Variants in WWOX observed in about 807,000 individuals in gnomAD.
The protein encoded by WWOX is WW domain-containing oxidoreductase.
WWOX carries 69 observed loss-of-function variants against 46.2 expected under a neutral mutation model. The observed-to-expected ratio is 1.49, with a 90% CI of 1.23 to 1.82. The LOEUF (loss-of-function observed/expected upper bound fraction) is 1.82. WWOX is among the 40% of genes most tolerant of loss of function. The pLI, the probability that WWOX is intolerant of heterozygous loss-of-function variation, is 0.00. For missense variants in WWOX, 919 were observed against 542.6 expected (o/e 1.69, Z -6.89); for synonymous variants, 359 against 202.6 (o/e 1.77, Z -6.56).
intron 8 of WWOX, among the ~76,000 whole-genome samples, chr16:78,593,625 G>A (rs528901468): frequency 6.6e-6 from 1 of 152,246 alleles, no homozygotes; most frequent in East Asian, 1.9e-4. Context: ...GTTGACAGGG[G>A]GAGGTATTTG....
chr16:78,205,823 T>TCGTA (rs1209166935), intron 5 of WWOX, among the ~76,000 whole-genome samples: 3 of 151,638 alleles, frequency 2.0e-5, no homozygotes, highest in Non-Finnish European at 4.4e-5. Flanking sequence ...ACACCTTCCT[T>TCGTA]CCTACCTTCC....
At chr16:78,925,192 C>A (rs1274830363) in intron 8 of WWOX, among the ~76,000 whole-genome samples, 1 of 152,146 alleles carries the variant, frequency 6.6e-6, no homozygotes, top group Non-Finnish European at 1.5e-5. Flanking sequence ...AAAACCCTGA[C>A]TTAAAACAAA....
intron 8 of WWOX, among the ~76,000 whole-genome samples, chr16:79,073,471 C>T (rs1021195819): frequency 3.9e-5 from 6 of 152,046 alleles, no homozygotes; most frequent in East Asian, 1.9e-4. Context: ...TGAGCCACCG[C>T]GCCTGGCTTT....
intron 5 of WWOX, among the ~76,000 whole-genome samples, chr16:78,264,007 T>TTTTTTTTTTG (rs1275734186): frequency 5.0e-5 from 7 of 138,660 alleles, no homozygotes; most frequent in African/African-American, 1.9e-4. Flanking sequence ...TTTTTTTTTT[T>TTTTTTTTTTG]TTTTTTTTGT....
chr16:78,112,149 C>G (rs750731124), intron 3 of WWOX, among the ~76,000 whole-genome samples: 22 of 152,222 alleles, frequency 1.4e-4, no homozygotes, highest in Non-Finnish European at 2.8e-4. Context: ...CCCAGTAGGG[C>G]TGGACCCTAC....
chr16:78,882,205 T>A (rs180770146), intron 8 of WWOX, among the ~76,000 whole-genome samples: 1 of 152,250 alleles, frequency 6.6e-6, no homozygotes, highest in South Asian at 2.1e-4. Flanking sequence ...ATAAGTGTCA[T>A]AAAGCCAATA....
At chr16:78,578,284 A>ATATATATATAT (rs1555567122) in intron 8 of WWOX, among the ~76,000 whole-genome samples, 3 of 20,838 alleles carry the variant, frequency 1.4e-4, no homozygotes, top group Non-Finnish European at 2.4e-4. Flanking sequence ...ATATATATAT[A>ATATATATATAT]TTTTTTTTTT....
intron 8 of WWOX, among the ~76,000 whole-genome samples, chr16:78,524,502 C>T (rs932129415): frequency 2.0e-5 from 3 of 151,932 alleles, no homozygotes; most frequent in Non-Finnish European, 2.9e-5. Context: ...CTCACTGCAG[C>T]CTCTGCCTCC....
chr16:78,544,608 G>A (rs1158056077), intron 8 of WWOX, among the ~76,000 whole-genome samples: 1 of 152,170 alleles, frequency 6.6e-6, no homozygotes, highest in East Asian at 1.9e-4. Flanking sequence ...AGATGTGGCT[G>A]GGCATGGTGG....
At position 79,040,464 on chromosome 16, in the gene WWOX, C is replaced by G. The variant is rs976169081; in HGVS notation, c.1057-171144C>G. Among the ~76,000 whole-genome samples the G allele has an allele frequency of 3.9e-5, 6 of 152,058 alleles. No homozygotes were observed. The South Asian group carries it at 6.2e-4, about 16-fold the overall frequency. ...AATTGTTTTGCATCTTTGGTAGAGA[C>G]AAGCCTTCACTATGTTGCCCAGGCT... On this transcript the variant is annotated intron_variant, in intron 8 of 8. Coordinates refer to ENST00000566780, the MANE Select transcript of WWOX (RefSeq NM_016373.4).
intron 8 of WWOX, among the ~76,000 whole-genome samples, chr16:78,612,384 G>T (rs1172760680): frequency 6.6e-6 from 1 of 152,228 alleles, no homozygotes; most frequent in African/African-American, 2.4e-5. Flanking sequence ...ATCTCTTACG[G>T]CAGGCAGCGT....
intron 8 of WWOX, among the ~76,000 whole-genome samples, chr16:79,094,084 C>G (rs2049019265): frequency 6.6e-6 from 1 of 152,170 alleles, no homozygotes; most frequent in South Asian, 2.1e-4. Flanking sequence ...CCACCTAGCA[C>G]TCATCCCACC....
intron 8 of WWOX, among the ~76,000 whole-genome samples, chr16:78,555,873 G>A (rs1458147494): frequency 6.6e-6 from 1 of 152,088 alleles, no homozygotes; most frequent in Non-Finnish European, 1.5e-5. Flanking sequence ...CACAATCTCT[G>A]CAGAATCGTG....
chr16:78,200,704 C>G (rs1269313838), intron 5 of WWOX, among the ~76,000 whole-genome samples: 1 of 151,640 alleles, frequency 6.6e-6, no homozygotes, highest in Non-Finnish European at 1.5e-5. Context: ...TGCCTTTGCC[C>G]AAGGTGAACC....
intron 8 of WWOX, among the ~76,000 whole-genome samples, chr16:79,089,478 C>G (rs752419408): frequency 2.0e-5 from 3 of 151,898 alleles, no homozygotes; most frequent in Non-Finnish European, 4.4e-5. Flanking sequence ...ACTACAGGCA[C>G]ACGCCACCAC....
At chr16:78,378,293 T>G (rs1470446837) in intron 5 of WWOX, among the ~76,000 whole-genome samples, 2 of 152,172 alleles carry the variant, frequency 1.3e-5, no homozygotes, top group Non-Finnish European at 2.9e-5. Context: ...CTGCGAATCC[T>G]ATCAGAAAGA....
intron 8 of WWOX, among the ~76,000 whole-genome samples, chr16:78,452,420 G>T (rs1316359119): frequency 3.3e-5 from 5 of 150,320 alleles, no homozygotes; most frequent in Admixed American, 6.6e-5. Flanking sequence ...GCATGTGTGT[G>T]TACATGTAAT....
intron 5 of WWOX, among the ~76,000 whole-genome samples, chr16:78,305,320 C>G (rs1232169622): frequency 6.6e-6 from 1 of 152,102 alleles, no homozygotes; most frequent in Non-Finnish European, 1.5e-5. Flanking sequence ...TAGCAAATGC[C>G]AAGTGAGCTG....
chr16:79,197,695 T>C lies in WWOX; in HGVS notation c.1057-13913T>C, dbSNP rs2051267102. Among the ~76,000 whole-genome samples, 9 of 152,286 alleles carry C rather than the reference T, an allele frequency of 5.9e-5. No homozygotes were observed. In the South Asian group the frequency reaches 1.9e-3, roughly 32 times the overall value. ...TTCTGTAATGACATGAAAAACATAT[T>C]GCTTGGTAATTTATTTATTTGTTCC... On this transcript the variant is annotated intron_variant, in intron 8 of 8. Coordinates refer to ENST00000566780, the MANE Select transcript of WWOX (RefSeq NM_016373.4).
Sources: gnomAD v4.1 joint callset for allele counts (sites outside exome capture counted in the v4.1 genomes callset) on GRCh38, gnomAD v4.1.1 for gene constraint, MANE v1.5 for transcripts, NCBI Gene and HGNC (gene_info 2026-07-23, HGNC 2026-07-21) for gene names.